Variants in FBXO34 observed in about 807,000 individuals in gnomAD.
FBXO34 encodes the protein F-box only protein 34.
A neutral mutation model predicts 24.5 loss-of-function variants in FBXO34; 12 were observed. The ratio of observed to expected loss-of-function variants is 0.49; its 90% confidence interval spans 0.31 to 0.79. The LOEUF (loss-of-function observed/expected upper bound fraction) is 0.79. Among genes scored for constraint, FBXO34 ranks in the 30% least tolerant of loss-of-function variants. The probability of loss-of-function intolerance (pLI) is 0.04; values close to 1 mark genes in which losing one functional copy is unlikely to be tolerated. For missense variants in FBXO34, 823 were observed against 857.7 expected, an observed-to-expected ratio of 0.96 and a Z score of 0.51; for synonymous variants, 320 against 311.9, an observed-to-expected ratio of 1.03 and a Z score of -0.27.
At position 55,353,521 on chromosome 14, in the gene FBXO34, T is replaced by C. The variant is rs1456805841; in HGVS notation, c.*995T>C. On this transcript the variant is annotated 3_prime_UTR_variant, in exon 2 of 2. Coordinates refer to ENST00000313833, the MANE Select transcript of FBXO34 (RefSeq NM_017943.4). Reference sequence around the variant, plus strand: ...GATCCACAAGATTGAGAAAATATTATATAGTTAGATAATAACATTCTTGTC... The same window carrying C: ...GATCCACAAGATTGAGAAAATATTACATAGTTAGATAATAACATTCTTGTC... 1 of 167,100 alleles carries C rather than the reference T, an allele frequency of 6.0e-6. No individual in the cohort carries two copies. Among genetic ancestry groups the C allele is most frequent in the Non-Finnish European group, 1.5e-5 (1 of 68,122 alleles). 10.4% of individuals were successfully genotyped at this position (167,100 alleles called of 1,614,324 possible).
chr14:55,377,940 C>T, the FBXO34 span: 87 of 1,592,982 alleles, frequency 5.5e-5, 1 homozygote, highest in South Asian at 5.1e-4. Flanking sequence ...ATATTTTCAA[C>T]TATTTAACAA....
chr14:55,365,364 C>G (rs935699582), downstream of FBXO34, among the ~76,000 whole-genome samples: 10 of 152,042 alleles, frequency 6.6e-5, no homozygotes, highest in African/African-American at 1.9e-4. Flanking sequence ...TGTGCCCCGC[C>G]CTAAAAAAAA....
At chr14:55,307,109 A>G (rs1359199557) in intron 1 of FBXO34, among the ~76,000 whole-genome samples, 4 of 152,258 alleles carry the variant, frequency 2.6e-5, no homozygotes, top group African/African-American at 4.8e-5. Flanking sequence ...TTGGCACAGC[A>G]TGAAGGTACC....
chr14:55,359,916 CAA>C (rs34051939), intron 3 of FBXO34, among the ~76,000 whole-genome samples: 32,695 of 94,914 alleles, frequency 0.34, 3,100 homozygotes, highest in East Asian at 0.4. Flanking sequence ...CTTGTGCCTA[CAA>C]AAAAAAAAAA....
At chr14:55,356,805 G>A (rs984661645), downstream of FBXO34, among the ~76,000 whole-genome samples, 8 of 152,182 alleles carry the variant, frequency 5.3e-5, no homozygotes, top group African/African-American at 1.9e-4. Context: ...CTGGAGTGCA[G>A]TGGCATGATC....
the FBXO34 span, among the ~76,000 whole-genome samples, chr14:55,375,496 T>A: frequency 5.2e-5 from 7 of 134,240 alleles, no homozygotes; most frequent in African/African-American, 2.0e-4. Flanking sequence ...CTAAATTTTT[T>A]TTTTTTTTTT....
chr14:55,308,659 A>G (rs1045340603), intron 1 of FBXO34, among the ~76,000 whole-genome samples: 1 of 152,232 alleles, frequency 6.6e-6, no homozygotes, highest in African/African-American at 2.4e-5. Context: ...TTTACTGTAA[A>G]CAATACCCAG....
chr14:55,394,102 G>A, the FBXO34 span, among the ~76,000 whole-genome samples: 1 of 151,512 alleles, frequency 6.6e-6, no homozygotes, highest in Non-Finnish European at 1.5e-5. Context: ...TGTCTCCTGG[G>A]TTCAAGTGAT....
At chr14:55,414,547 T>C in the FBXO34 span, 28 of 922,438 alleles carry the variant, frequency 3.0e-5, no homozygotes, top group Non-Finnish European at 4.5e-5. Context: ...CTCCAATTAC[T>C]TTTAATATGA....
intron 1 of FBXO34, among the ~76,000 whole-genome samples, chr14:55,296,112 C>T (rs1021148643): frequency 6.6e-6 from 1 of 151,852 alleles, no homozygotes; most frequent in African/African-American, 2.4e-5. Flanking sequence ...AAGTCCCCCC[C>T]TTTTTTTTAA....
chr14:55,440,227 G>T, the FBXO34 span, among the ~76,000 whole-genome samples: 1 of 152,216 alleles, frequency 6.6e-6, no homozygotes, highest in Non-Finnish European at 1.5e-5. Context: ...GGCAACCTTG[G>T]TCAAATTATT....
chr14:55,382,763 G>T, the FBXO34 span, among the ~76,000 whole-genome samples: 19 of 152,130 alleles, frequency 1.2e-4, no homozygotes, highest in Non-Finnish European at 2.5e-4. Flanking sequence ...ATGAGGTAGG[G>T]CTGAACATAT....
chr14:55,429,017 A>G, the FBXO34 span: 1 of 1,604,792 alleles, frequency 6.2e-7, no homozygotes. Context: ...TAATCGCTAC[A>G]TCCTCTCAAC....
At chr14:55,328,451 C>T (rs1232687696) in intron 1 of FBXO34, among the ~76,000 whole-genome samples, 1 of 152,166 alleles carries the variant, frequency 6.6e-6, no homozygotes, top group African/African-American at 2.4e-5. Flanking sequence ...AGCTACTGAG[C>T]TACTGAGTGA....
At chr14:55,419,085 T>C in the FBXO34 span, among the ~76,000 whole-genome samples, 4 of 152,358 alleles carry the variant, frequency 2.6e-5, no homozygotes, top group East Asian at 7.7e-4. Context: ...AATCATTCTT[T>C]CAGCTGACAA....
rs763627716 is a variant in FBXO34 at position 55,350,984 on chromosome 14, A to G, written c.594A>G (p.Gly198=). Residue 198 remains glycine, a synonymous_variant, in exon 2 of 2, where the codon GGA becomes GGG. Coordinates refer to ENST00000313833, the MANE Select transcript of FBXO34 (RefSeq NM_017943.4). ...ACTATGTGAGTGACAGTGGGGATGG[A>G]GTCTATGCTGGGAGGCCTCTGTCAG... ...SVHYVSDSGD[G]VYAGRPLSVI... is the part of the protein sequence containing the mutation. 1 of 1,614,154 alleles carries G rather than the reference A, an allele frequency of 6.2e-7. No homozygotes were observed. Among genetic ancestry groups the G allele is most frequent in the Non-Finnish European group, 8.5e-7 (1 of 1,180,030 alleles).
Position 55,332,052 on chromosome 14 carries a change from A to G in FBXO34, c.-10-18329A>G, listed in dbSNP as rs867999169. Among the ~76,000 whole-genome samples, 16 of 135,422 alleles carry G rather than the reference A, an allele frequency of 1.2e-4. 1 individual carries two copies. Among genetic ancestry groups the G allele is most frequent in the African/African-American group, 4.6e-4 (16 of 34,524 alleles). 88.8% of individuals were successfully genotyped at this position (135,422 alleles called of 152,430 possible). A position where few individuals can be genotyped will look rare whatever the true frequency, so the allele number is the denominator to read the frequency against. The stretch of plus-strand genomic sequence containing the variant: ...ACCGTGGTGGTATATATAAAAATAT[A>G]TATATATATACCACCGTGGTGGTAT... On this transcript the variant is annotated intron_variant, in intron 1 of 1. Coordinates refer to ENST00000313833, the MANE Select transcript of FBXO34 (RefSeq NM_017943.4).
the FBXO34 span, among the ~76,000 whole-genome samples, chr14:55,380,227 G>A: frequency 4.6e-5 from 7 of 151,498 alleles, no homozygotes; most frequent in South Asian, 4.2e-4. Flanking sequence ...TGGCCTGGGC[G>A]ACAGAGCGAG....
At chr14:55,316,608 G>A (rs1490632762) in intron 1 of FBXO34, among the ~76,000 whole-genome samples, 1 of 148,132 alleles carries the variant, frequency 6.8e-6, no homozygotes, top group Admixed American at 6.8e-5. Context: ...CATGTCTATA[G>A]TCCCACCTAC....
Sources: gnomAD v4.1 joint callset for allele counts (sites outside exome capture counted in the v4.1 genomes callset) on GRCh38, gnomAD v4.1.1 for gene constraint, MANE v1.5 for transcripts, NCBI Gene and HGNC (gene_info 2026-07-23, HGNC 2026-07-21) for gene names.